Variants in ONECUT3 observed in about 807,000 individuals in gnomAD.
ONECUT3 encodes the protein one cut domain family member 3.
ONECUT3 carries 11 observed loss-of-function variants against 16.8 expected under a neutral mutation model. The ratio of observed to expected loss-of-function variants is 0.66; its 90% CI spans 0.41 to 1.09. The LOEUF is 1.09. ONECUT3 is among the 50% of genes least tolerant of loss of function. The pLI, the probability that ONECUT3 is intolerant of heterozygous loss-of-function variation, is 0.00. For synonymous variants in ONECUT3, 344 were observed against 310.7 expected (o/e 1.11, Z -1.13); for missense variants, 637 against 629.9 (o/e 1.01, Z -0.12).
chr19:1,769,594 C>T (rs891697436), intron 1 of ONECUT3, among the ~76,000 whole-genome samples: 1 of 101,624 alleles, frequency 9.8e-6, no homozygotes, highest in Non-Finnish European at 2.1e-5. Context: ...GGGGGTGAAC[C>T]TGATGTTGGG....
At chr19:1,768,841 G>A (rs1327404474) in intron 1 of ONECUT3, among the ~76,000 whole-genome samples, 3 of 151,832 alleles carry the variant, frequency 2.0e-5, no homozygotes, top group South Asian at 2.1e-4. Context: ...GGTGATGGGG[G>A]TGGAAGGTGG....
intron 1 of ONECUT3, among the ~76,000 whole-genome samples, chr19:1,765,790 GCCCACCCGCGTC>G (rs1568596806): frequency 1.3e-5 from 2 of 152,192 alleles, no homozygotes; most frequent in African/African-American, 4.8e-5. Context: ...GGCCCGCAGA[GCCCACCCGCGTC>G]CCCATGGCTG....
Position 1,762,689 on chromosome 19 carries a change from T to G in ONECUT3, c.1192+7835T>G, listed in dbSNP as rs966379659. ...CGCGGCCTTGGAGCCTCAGGGTCACTGGTGCGGGCTCCGCAGGAAAGCGCA... is the reference window on the plus strand; with the variant it reads ...CGCGGCCTTGGAGCCTCAGGGTCACGGGTGCGGGCTCCGCAGGAAAGCGCA... On this transcript the variant is annotated intron_variant, in intron 1 of 1. Coordinates refer to ENST00000382349, the MANE Select transcript of ONECUT3 (RefSeq NM_001080488.2). The surrounding 1 kb of genome is among the most constrained non-coding windows in gnomAD (Gnocchi z 4.4). Among the ~76,000 whole-genome samples, 46 of 152,208 alleles carry G rather than the reference T, an allele frequency of 3.0e-4. No individual in the cohort carries two copies. The highest frequency in any genetic ancestry group is 1.1e-3 in the African/African-American group (44 of 41,462).
At chr19:1,773,144 G>A (rs376390148) in intron 1 of ONECUT3, among the ~76,000 whole-genome samples, 45 of 152,014 alleles carry the variant, frequency 3.0e-4, no homozygotes, top group Middle Eastern at 3.4e-3. Context: ...TCATGGATAC[G>A]ATATTTTTCT....
In ONECUT3 at chr19:1,758,730, G is replaced by GCGC. The variant is rs2067930950; in HGVS notation, c.1192+3879_1192+3881dup. Among the ~76,000 whole-genome samples the GCGC allele has an allele frequency of 6.6e-6, 1 of 151,320 alleles. No homozygotes were observed. The highest frequency in any genetic ancestry group is 2.4e-5 in the African/African-American group (1 of 41,156). On this transcript the variant is annotated intron_variant, in intron 1 of 1. Transcript: ENST00000382349. This position sits in a 1 kb window ranked among gnomAD's most constrained non-coding sequence, Gnocchi z 5.9. ...GCCTCCTGGTCAAAGCTCTCCCCTG[G>GCGC]CGCCGTCTCCAACAGTAATTATGGG... is the stretch of plus-strand genomic sequence containing the variant.
intron 1 of ONECUT3, among the ~76,000 whole-genome samples, chr19:1,760,975 A>G (rs763492153): frequency 7.6e-6 from 1 of 131,136 alleles, no homozygotes; most frequent in Non-Finnish European, 1.6e-5. Flanking sequence ...AACCATTACC[A>G]CTCTAGTCTA....
chr19:1,775,126 G>GGGCCCCC, intron 1 of ONECUT3, 27 bp from the exon 2 acceptor site: 587 of 1,142,742 alleles, frequency 5.1e-4, no homozygotes, highest in Non-Finnish European at 6.5e-4. Context: ...TGTCCCGCTC[G>GGGCCCCC]CCCGCCCGCC....
Position 1,779,214 on chromosome 19 carries a change from A to T in ONECUT3, c.*3769A>T, listed in dbSNP as rs773621926. 6.6e-6 allele frequency: 1 copy of T among 152,258 alleles called. No homozygotes were observed. Among genetic ancestry groups the T allele is most frequent in the East Asian group, 1.9e-4 (1 of 5,208 alleles). The allele number at this position is 152,258 out of a possible 1,614,324, so 9.4% of individuals were successfully genotyped here. A position where few individuals can be genotyped will look rare whatever the true frequency, so the allele number is the denominator to read the frequency against. On this transcript the variant is annotated 3_prime_UTR_variant, in exon 2 of 2. Transcript: ENST00000382349. Reference sequence around the variant, plus strand: ...ACTTGAAGCTTTATACCGTTAAATTATAATTTTGCAGACGATGGCATGTCG... The same window carrying T: ...ACTTGAAGCTTTATACCGTTAAATTTTAATTTTGCAGACGATGGCATGTCG...
intron 1 of ONECUT3, among the ~76,000 whole-genome samples, chr19:1,761,720 G>A (rs2067947398): frequency 6.6e-6 from 1 of 152,202 alleles, no homozygotes; most frequent in East Asian, 1.9e-4. Flanking sequence ...GTGGGGTAGG[G>A]GAGAGGCTGA....
chr19:1,762,219 T>G lies in ONECUT3; in HGVS notation c.1192+7365T>G, dbSNP rs1220523886. 1.3e-5 allele frequency among the ~76,000 whole-genome samples: 2 copies of G among 152,290 alleles called. No homozygotes were observed. The highest frequency in any genetic ancestry group is 3.9e-4 in the East Asian group (2 of 5,174). ...TGGCTGCTGGGGGTCCTGCGTGCCT[T>G]CCGCGCGCCCCCAGCTGCGCCCGCC... On this transcript the variant is annotated intron_variant, in intron 1 of 1. Transcript: ENST00000382349. This position sits in a 1 kb window ranked among gnomAD's most constrained non-coding sequence, Gnocchi z 4.4.
rs2067970090 is a variant in ONECUT3, at chr19:1,764,792, A to C, written c.1192+9938A>C. On this transcript the variant is annotated intron_variant, in intron 1 of 1. Transcript: ENST00000382349. This position sits in a 1 kb window ranked among gnomAD's most constrained non-coding sequence, Gnocchi z 5.0. ...GTCACCCACTGACTCGAGTCTGGAG[A>C]GGCCACGGGGGGGGGATGCGCAGGG... 9.6e-6 allele frequency among the ~76,000 whole-genome samples: 1 copy of C among 104,122 alleles called. No individual in the cohort carries two copies. Among genetic ancestry groups the C allele is most frequent in the African/African-American group, 4.3e-5 (1 of 23,270 alleles). 68.3% of individuals were successfully genotyped at this position (104,122 alleles called of 152,430 possible). A position where few individuals can be genotyped will look rare whatever the true frequency, so the allele number is the denominator to read the frequency against.
chr19:1,762,521 A>G lies in ONECUT3; in HGVS notation c.1192+7667A>G, dbSNP rs916025296. Among the ~76,000 whole-genome samples the G allele has an allele frequency of 2.6e-5, 4 of 152,238 alleles. No homozygotes were observed. The highest frequency in any genetic ancestry group is 9.6e-5 in the African/African-American group (4 of 41,458). ...TCCCGCAGCACCCGGGAAGCTGCGG[A>G]GTCGGGCTGGGGCCGCCGCGTTGCG... is the stretch of plus-strand genomic sequence containing the variant. On this transcript the variant is annotated intron_variant, in intron 1 of 1. Coordinates refer to ENST00000382349, the MANE Select transcript of ONECUT3 (RefSeq NM_001080488.2). The surrounding 1 kb of genome is among the most constrained non-coding windows in gnomAD (Gnocchi z 4.4).
chr19:1,761,016 C>T (rs1568594014), intron 1 of ONECUT3, among the ~76,000 whole-genome samples: 1 of 151,740 alleles, frequency 6.6e-6, no homozygotes, highest in Non-Finnish European at 1.5e-5. Context: ...CCTCCACCTC[C>T]ATCATGGCTT....
At chr19:1,761,283 C>T (rs1016299169) in intron 1 of ONECUT3, among the ~76,000 whole-genome samples, 1 of 152,104 alleles carries the variant, frequency 6.6e-6, no homozygotes, top group African/African-American at 2.4e-5. Context: ...AAATTCCTGA[C>T]CTCAGATGAT....
Position 1,762,486 on chromosome 19 carries a change from G to A in ONECUT3, c.1192+7632G>A, listed in dbSNP as rs779203065. ...ACTGTGCCTCAGTTTCCATCACCCAGCAAACGCCGTCCCGCAGCACCCGGG... is the reference window on the plus strand; with the variant it reads ...ACTGTGCCTCAGTTTCCATCACCCAACAAACGCCGTCCCGCAGCACCCGGG... On this transcript the variant is annotated intron_variant, in intron 1 of 1. Transcript: ENST00000382349. The surrounding 1 kb of genome is among the most constrained non-coding windows in gnomAD (Gnocchi z 4.4). Among the ~76,000 whole-genome samples the A allele has an allele frequency of 6.6e-6, 1 of 152,246 alleles. No homozygotes were observed. Among genetic ancestry groups the A allele is most frequent in the Non-Finnish European group, 1.5e-5 (1 of 68,040 alleles).
At chr19:1,761,587 GAGC>G (rs1008979279) in intron 1 of ONECUT3, among the ~76,000 whole-genome samples, 88 of 152,252 alleles carry the variant, frequency 5.8e-4, no homozygotes, top group African/African-American at 2.0e-3. Context: ...GGAAAGTCCT[GAGC>G]AGCTGTTAGG....
At chr19:1,774,351 C>T (rs979642163) in intron 1 of ONECUT3, among the ~76,000 whole-genome samples, 3 of 151,778 alleles carry the variant, frequency 2.0e-5, no homozygotes, top group African/African-American at 4.8e-5. Context: ...GAGGCTGAGG[C>T]CAGAGGATCA....
At chr19:1,760,142 C>T (rs773891717) in intron 1 of ONECUT3, among the ~76,000 whole-genome samples, 6 of 152,240 alleles carry the variant, frequency 3.9e-5, no homozygotes, top group Non-Finnish European at 7.3e-5. Flanking sequence ...CCCATGCCCA[C>T]CCTACAGACC....
chr19:1,758,709 C>A lies in ONECUT3; in HGVS notation c.1192+3855C>A, dbSNP rs2067930787. 6.6e-6 allele frequency among the ~76,000 whole-genome samples: 1 copy of A among 151,596 alleles called. No homozygotes were observed. Among genetic ancestry groups the A allele is most frequent in the Admixed American group, 6.6e-5 (1 of 15,236 alleles). On this transcript the variant is annotated intron_variant, in intron 1 of 1. Coordinates refer to ENST00000382349, the MANE Select transcript of ONECUT3 (RefSeq NM_001080488.2). This position sits in a 1 kb window ranked among gnomAD's most constrained non-coding sequence, Gnocchi z 5.9. ...CGAGTCCCGCACTTCGGAGCTGCCT[C>A]CTGGTCAAAGCTCTCCCCTGGCGCC...
Sources: gnomAD v4.1 joint callset for allele counts (sites outside exome capture counted in the v4.1 genomes callset) on GRCh38, gnomAD v4.1.1 for gene constraint, Gnocchi (gnomAD v3.1) non-coding constraint, MANE v1.5 for transcripts, NCBI Gene and HGNC (gene_info 2026-07-23, HGNC 2026-07-21) for gene names.